MACROD2: variants seen among roughly 807,000 people sequenced by gnomAD.
MACROD2 encodes the protein ADP-ribose glycohydrolase MACROD2.
Under a neutral mutation model 70.4 loss-of-function variants are expected in MACROD2, and 36 were observed. That is an observed-to-expected ratio of 0.51 (90% CI 0.39 to 0.68). The LOEUF (loss-of-function observed/expected upper bound fraction) is 0.68. Ranked by LOEUF, MACROD2 falls within the 30% of genes least tolerant of loss-of-function variation. The probability of loss-of-function intolerance (pLI) is 0.00; values close to 1 mark genes in which losing one functional copy is unlikely to be tolerated. For synonymous variants in MACROD2, 172 were observed against 178.8 expected (o/e 0.96, Z 0.30); for missense variants, 496 against 538.4 (o/e 0.92, Z 0.78).
intron 5 of MACROD2, among the ~76,000 whole-genome samples, chr20:14,903,923 C>A (rs930999139): frequency 1.3e-5 from 2 of 152,270 alleles, no homozygotes; most frequent in African/African-American, 4.8e-5. Context: ...TTTTTCTTCA[C>A]ATTCTCTCGC....
chr20:15,249,230 G>T (rs1461255577), intron 6 of MACROD2, among the ~76,000 whole-genome samples: 1 of 152,158 alleles, frequency 6.6e-6, no homozygotes, highest in Non-Finnish European at 1.5e-5. Context: ...GGTTATCTGT[G>T]GCTATGGGAG....
At chr20:15,455,689 A>G (rs1473890179) in intron 7 of MACROD2, among the ~76,000 whole-genome samples, 1 of 152,114 alleles carries the variant, frequency 6.6e-6, no homozygotes, top group African/African-American at 2.4e-5. Context: ...TATAGTTGTG[A>G]AATTTGATGA....
At chr20:15,265,275 AACTT>A (rs1438167438) in intron 6 of MACROD2, among the ~76,000 whole-genome samples, 1 of 152,204 alleles carries the variant, frequency 6.6e-6, no homozygotes, top group Non-Finnish European at 1.5e-5. Flanking sequence ...AATCAGGAGT[AACTT>A]ACTTCCATTC....
At chr20:14,137,246 A>G (rs902607645) in intron 3 of MACROD2, among the ~76,000 whole-genome samples, 5 of 152,210 alleles carry the variant, frequency 3.3e-5, no homozygotes, top group African/African-American at 1.2e-4. Context: ...TTTGTAGGTT[A>G]TATGTATTAC....
At chr20:15,479,296 G>A (rs1471387431) in intron 7 of MACROD2, among the ~76,000 whole-genome samples, 31 of 121,840 alleles carry the variant, frequency 2.5e-4, no homozygotes, top group Non-Finnish European at 3.5e-4. Context: ...TTTTTGAGAC[G>A]GAGTCTCGCT....
intron 3 of MACROD2, among the ~76,000 whole-genome samples, chr20:14,305,456 T>C (rs2082511875): frequency 6.6e-6 from 1 of 152,058 alleles, no homozygotes; most frequent in African/African-American, 2.4e-5. Flanking sequence ...GAGACTGACT[T>C]GGAACAGTAT....
intron 5 of MACROD2, among the ~76,000 whole-genome samples, chr20:15,069,440 A>G (rs1309130406): frequency 6.6e-6 from 1 of 152,240 alleles, no homozygotes; most frequent in East Asian, 1.9e-4. Flanking sequence ...AAGTGCTAAT[A>G]TTCAAGACAA....
intron 4 of MACROD2, among the ~76,000 whole-genome samples, chr20:14,505,300 A>G (rs558537352): frequency 2.6e-5 from 4 of 152,306 alleles, no homozygotes; most frequent in African/African-American, 9.6e-5. Context: ...TTCAACTCCC[A>G]CAAGTTTAGA....
chr20:15,726,069 G>T (rs1023010665), intron 8 of MACROD2, among the ~76,000 whole-genome samples: 3 of 151,812 alleles, frequency 2.0e-5, no homozygotes, highest in Admixed American at 6.6e-5. Context: ...TTTTTGAATC[G>T]CTCTCTTCTC....
intron 3 of MACROD2, among the ~76,000 whole-genome samples, chr20:14,382,808 C>T (rs1271587494): frequency 6.6e-6 from 1 of 152,252 alleles, no homozygotes; most frequent in East Asian, 1.9e-4. Flanking sequence ...TATTCTTGAA[C>T]CACCTTCAGA....
intron 6 of MACROD2, among the ~76,000 whole-genome samples, chr20:15,388,500 A>C (rs1393085832): frequency 6.6e-6 from 1 of 152,180 alleles, no homozygotes; most frequent in African/African-American, 2.4e-5. Flanking sequence ...TTTCAGATAA[A>C]CATCACATTA....
chr20:15,628,985 T>C (rs942294785), intron 8 of MACROD2, among the ~76,000 whole-genome samples: 30 of 152,248 alleles, frequency 2.0e-4, no homozygotes, highest in African/African-American at 7.2e-4. Context: ...TATGTAAATA[T>C]ACTACATTTT....
intron 8 of MACROD2, among the ~76,000 whole-genome samples, chr20:15,540,056 A>G (rs1347600315): frequency 6.6e-6 from 1 of 152,228 alleles, no homozygotes; most frequent in Non-Finnish European, 1.5e-5. Context: ...GTGATGACCA[A>G]CTTACAGCTG....
intron 5 of MACROD2, among the ~76,000 whole-genome samples, chr20:14,854,788 G>A (rs1044451025): frequency 1.3e-5 from 2 of 152,018 alleles, no homozygotes; most frequent in Admixed American, 6.6e-5. Flanking sequence ...AGGCCGAGGC[G>A]GGTGGATCAC....
intron 5 of MACROD2, among the ~76,000 whole-genome samples, chr20:15,055,005 A>G (rs936572934): frequency 7.1e-6 from 1 of 141,220 alleles, no homozygotes; most frequent in South Asian, 2.2e-4. Context: ...GCTGGAGTGC[A>G]ATGGTGTGAT....
rs540464581 is a variant in MACROD2 at position 15,548,194 on chromosome 20, T to C, written c.645+48347T>C. 2.0e-5 allele frequency among the ~76,000 whole-genome samples: 3 copies of C among 152,346 alleles called. No individual in the cohort carries two copies. In the South Asian group the frequency reaches 6.2e-4, roughly 32 times the overall value. ...TTAGCTTTACCTTGTGATCTGATTA[T>C]ATGAAATTAATCTAGCCTTTTCTGA... On this transcript the variant is annotated intron_variant, in intron 8 of 17. Coordinates refer to ENST00000684519, the MANE Select transcript of MACROD2 (RefSeq NM_001351661.2).
At chr20:15,435,306 T>C (rs2046414121) in intron 7 of MACROD2, among the ~76,000 whole-genome samples, 1 of 152,194 alleles carries the variant, frequency 6.6e-6, no homozygotes, top group Admixed American at 6.5e-5. Context: ...AGATCTGTGG[T>C]ATATTTATGT....
At chr20:15,748,862 G>A (rs952180644) in intron 8 of MACROD2, among the ~76,000 whole-genome samples, 3 of 152,058 alleles carry the variant, frequency 2.0e-5, no homozygotes, top group African/African-American at 7.2e-5. Flanking sequence ...GGGAGGTGGA[G>A]GGCTATAGTA....
chr20:14,497,153 G>A (rs2084862874), intron 4 of MACROD2, among the ~76,000 whole-genome samples: 1 of 151,664 alleles, frequency 6.6e-6, no homozygotes. Context: ...GTTAAGATAC[G>A]GATGTTGCAT....
Sources: gnomAD v4.1 joint callset for allele counts (sites outside exome capture counted in the v4.1 genomes callset) on GRCh38, gnomAD v4.1.1 for gene constraint, MANE v1.5 for transcripts, NCBI Gene and HGNC (gene_info 2026-07-23, HGNC 2026-07-21) for gene names.